The following TNS3 variants were observed in gnomAD, a reference collection of about 807,000 sequenced individuals.
TNS3 encodes tensin 3.
A neutral mutation model predicts 140.9 loss-of-function variants in TNS3; 45 were observed. That is an observed-to-expected ratio of 0.32 (90% CI 0.25 to 0.41). TNS3 has a LOEUF of 0.41. Among genes scored for constraint, TNS3 ranks in the 10% least tolerant of loss-of-function variants. The probability of loss-of-function intolerance (pLI) is 1.00; values close to 1 mark genes in which losing one functional copy is unlikely to be tolerated. For missense variants in TNS3, 1,716 were observed against 1,906.7 expected (o/e 0.90, Z 1.86); for synonymous variants, 815 against 788.4 (o/e 1.03, Z -0.56).
Position 47,344,834 on chromosome 7 carries a change from T to G in TNS3, c.2571A>C (p.Lys857Asn). ...TGAACGGAGGATGGCGCAGCGCTGT[T>G]TTCACTGGAAAAGAAAGCAGAGCAA... The part of the protein sequence containing the change: ...FPVSPETPYV[K>N]TALRHPPFSP... The change falls in exon 20 of 31, where the codon AAA becomes AAC. Residue 857 changes from lysine (K) to asparagine (N), a missense_variant. Transcript: ENST00000311160. The G allele has an allele frequency of 6.2e-7, 1 of 1,613,942 alleles. No individual in the cohort carries two copies. The highest frequency in any genetic ancestry group is 8.5e-7 in the Non-Finnish European group (1 of 1,179,946).
intron 1 of TNS3, among the ~76,000 whole-genome samples, chr7:47,532,936 T>C (rs1008364754): frequency 2.0e-5 from 3 of 151,586 alleles, no homozygotes; most frequent in Non-Finnish European, 2.9e-5. Flanking sequence ...AATTATTCAA[T>C]TAATCTAAAT....
At chr7:47,453,936 G>C (rs1796137202) in intron 4 of TNS3, among the ~76,000 whole-genome samples, 1 of 152,262 alleles carries the variant, frequency 6.6e-6, no homozygotes. Context: ...TGACTACATG[G>C]TCAGTCACGT....
chr7:47,468,619 C>G (rs935783459), intron 4 of TNS3, among the ~76,000 whole-genome samples: 1 of 152,092 alleles, frequency 6.6e-6, no homozygotes, highest in African/African-American at 2.4e-5. Flanking sequence ...ACATCCCATG[C>G]TTATGAATTA....
intron 4 of TNS3, among the ~76,000 whole-genome samples, chr7:47,449,098 C>T (rs1310201509): frequency 6.6e-6 from 1 of 152,220 alleles, no homozygotes; most frequent in African/African-American, 2.4e-5. Flanking sequence ...GTTGCCGATA[C>T]ATCCAGTTAA....
intron 16 of TNS3, among the ~76,000 whole-genome samples, chr7:47,387,098 T>C (rs550026716): frequency 1.3e-5 from 2 of 152,346 alleles, no homozygotes; most frequent in South Asian, 4.1e-4. Flanking sequence ...AGTAGCTTGC[T>C]TGTCAACATT....
At chr7:47,385,003 C>A (rs919581670) in intron 16 of TNS3, among the ~76,000 whole-genome samples, 1 of 152,242 alleles carries the variant, frequency 6.6e-6, no homozygotes, top group African/African-American at 2.4e-5. Context: ...TCCCAGCTCT[C>A]AACACCTCCA....
intron 3 of TNS3, among the ~76,000 whole-genome samples, chr7:47,500,711 G>C (rs1798180984): frequency 6.6e-6 from 1 of 152,178 alleles, no homozygotes; most frequent in South Asian, 2.1e-4. Context: ...AATAGGGGCA[G>C]GAAAGAGATG....
rs767219522 is a variant in TNS3, at chr7:47,344,882, G to A, written c.2566+42C>T. 3.7e-6 allele frequency: 6 copies of A among 1,612,760 alleles called. No homozygotes were observed. The Admixed American group carries it at 8.3e-5, about 22-fold the overall frequency. The stretch of plus-strand genomic sequence containing the variant: ...CAAGGGGCTGTTGTCACCCTCCTTG[G>A]GCATGGAGCAGCACATGCAGCTAGT... On this transcript the variant is annotated intron_variant, in intron 19 of 30. Coordinates refer to ENST00000311160, the MANE Select transcript of TNS3 (RefSeq NM_022748.12).
chr7:47,494,485 T>C (rs150050884), intron 3 of TNS3, among the ~76,000 whole-genome samples: 92 of 152,320 alleles, frequency 6.0e-4, no homozygotes, highest in Admixed American at 1.8e-3. Context: ...TTCTATCCAC[T>C]CCACCTCCCC....
intron 4 of TNS3, among the ~76,000 whole-genome samples, chr7:47,474,046 T>C (rs1797064416): frequency 1.3e-5 from 2 of 151,888 alleles, no homozygotes; most frequent in Admixed American, 1.3e-4. Context: ...TTGTGTTGGT[T>C]GGTCTTGTTG....
intron 26 of TNS3, 60 bp downstream of exon 26, chr7:47,292,768 C>T (rs1388405366): frequency 1.4e-6 from 2 of 1,438,964 alleles, no homozygotes; most frequent in Non-Finnish European, 9.6e-7. Context: ...ATCTCTAAAA[C>T]CGGTGGCCTT....
chr7:47,302,773 G>T (rs1347332218), intron 22 of TNS3, among the ~76,000 whole-genome samples, 177 bp downstream of exon 22: 1 of 152,240 alleles, frequency 6.6e-6, no homozygotes, highest in Non-Finnish European at 1.5e-5. Context: ...TGAAAAGCCT[G>T]AGCCAGTGCT....
rs992856974 is a variant in TNS3 at position 47,441,156 on chromosome 7, T to C, written c.-23+847A>G. On this transcript the variant is annotated intron_variant, in intron 5 of 30. Coordinates refer to ENST00000311160, the MANE Select transcript of TNS3 (RefSeq NM_022748.12). ...AGAAATAATAACATCAAACATCCAA[T>C]ACCATACATTTATTTTTATTTTTAT... Among the ~76,000 whole-genome samples the C allele has an allele frequency of 7.2e-5, 11 of 152,184 alleles. 1 individual carries two copies. The highest frequency in any genetic ancestry group is 1.5e-4 in the Non-Finnish European group (10 of 67,994).
intron 4 of TNS3, among the ~76,000 whole-genome samples, chr7:47,468,771 C>T (rs1796825476): frequency 6.6e-6 from 1 of 152,120 alleles, no homozygotes; most frequent in Non-Finnish European, 1.5e-5. Flanking sequence ...AAAAAAGAGC[C>T]AAAATAGCCA....
intron 13 of TNS3, among the ~76,000 whole-genome samples, chr7:47,402,917 A>C (rs1793238519): frequency 6.6e-6 from 1 of 152,254 alleles, no homozygotes; most frequent in African/African-American, 2.4e-5. Flanking sequence ...TAGCTCACGC[A>C]GCCTGTGCTG....
chr7:47,437,530 C>G (rs1364470155), intron 6 of TNS3, among the ~76,000 whole-genome samples: 1 of 151,564 alleles, frequency 6.6e-6, no homozygotes, highest in African/African-American at 2.4e-5. Context: ...TGATGTTTCC[C>G]TTCCAGGTAC....
At position 47,283,749 on chromosome 7, in the gene TNS3, C is replaced by T. The variant is rs1335428227; in HGVS notation, c.4045G>A (p.Val1349Met). The stretch of plus-strand genomic sequence containing the variant: ...CCCTGGGCTGACACCTTGAAGTGCA[C>T]AACTGTGGACACAGGTGGAGGCTCC... ...VQEPPPVSTV[V>M]HFKVSAQGIT... The change falls in exon 28 of 31, where the codon GTG becomes ATG. Residue 1349 changes from valine to methionine, a missense_variant. Physicochemically the swap from Val to Met is conservative, Grantham distance 21. Around this residue, in one of 3 missense-constraint regions of TNS3, gnomAD observed 216 missense variants for 295.7 expected, o/e 0.73. Transcript: ENST00000311160. 3 of 1,609,386 alleles carry T rather than the reference C, an allele frequency of 1.9e-6. No individual in the cohort carries two copies. The highest frequency in any genetic ancestry group is 1.7e-5 in the Admixed American group (1 of 59,282).
At chr7:47,528,999 G>A (rs1799298836) in intron 2 of TNS3, 37 bp downstream of exon 2, 1 of 1,181,936 alleles carries the variant, frequency 8.5e-7, no homozygotes, top group Non-Finnish European at 1.1e-6. Context: ...GTTTTGCTCT[G>A]GATTAATCAG....
rs1301166541 is a variant in TNS3, at chr7:47,442,058, G to A, written c.-75-3C>T. The stretch of plus-strand genomic sequence containing the variant: ...GACAGCGTGGAACTCCCTGGAGCCT[G>A]CAAATAACAAAACAAGGGTCATTTT... On this transcript the variant is annotated splice_polypyrimidine_tract_variant and splice_region_variant and intron_variant, in intron 4 of 30. Coordinates refer to ENST00000311160, the MANE Select transcript of TNS3 (RefSeq NM_022748.12). 1.6e-6 allele frequency: 2 copies of A among 1,270,946 alleles called. No individual in the cohort carries two copies. Among genetic ancestry groups the A allele is most frequent in the Non-Finnish European group, 2.0e-6 (2 of 982,786 alleles). The allele number at this position is 1,270,946 out of a possible 1,614,324, so 78.7% of individuals were successfully genotyped here. A position where few individuals can be genotyped will look rare whatever the true frequency, so the allele number is the denominator to read the frequency against.
Sources: gnomAD v4.1 joint callset for allele counts (sites outside exome capture counted in the v4.1 genomes callset) on GRCh38, gnomAD v4.1.1 for gene constraint, gnomAD v4.1.1 regional missense constraint, MANE v1.5 for transcripts, NCBI Gene and HGNC (gene_info 2026-07-23, HGNC 2026-07-21) for gene names.